LINGO2: variants seen among roughly 807,000 people sequenced by gnomAD.
The protein encoded by LINGO2 is leucine rich repeat and Ig domain containing 2.
A neutral mutation model predicts 30.6 loss-of-function variants in LINGO2; 14 were observed. That is an observed-to-expected ratio of 0.46 (90% CI 0.30 to 0.72). The LOEUF (loss-of-function observed/expected upper bound fraction) is 0.72, where lower values mean the gene tolerates loss of function less well. Ranked by LOEUF, LINGO2 falls within the 30% of genes least tolerant of loss-of-function variation. The probability of loss-of-function intolerance (pLI) is 0.07; values close to 1 mark genes in which losing one functional copy is unlikely to be tolerated. For missense variants in LINGO2, 729 were observed against 751.7 expected, an observed-to-expected ratio of 0.97 and a Z score of 0.35; for synonymous variants, 317 against 288.5, an observed-to-expected ratio of 1.10 and a Z score of -1.00.
the LINGO2 span, among the ~76,000 whole-genome samples, chr9:29,149,211 T>A: frequency 6.6e-6 from 1 of 152,186 alleles, no homozygotes; most frequent in Non-Finnish European, 1.5e-5. Context: ...TTAATATTTC[T>A]TAATTTTTAA....
At chr9:28,362,838 T>C (rs1013317497) in intron 3 of LINGO2, among the ~76,000 whole-genome samples, 3 of 152,160 alleles carry the variant, frequency 2.0e-5, no homozygotes, top group Non-Finnish European at 4.4e-5. Context: ...AAAACAGTAT[T>C]TTGAAAAGTG....
At chr9:29,050,285 A>G in the LINGO2 span, among the ~76,000 whole-genome samples, 3 of 152,174 alleles carry the variant, frequency 2.0e-5, no homozygotes, top group African/African-American at 7.2e-5. Flanking sequence ...TTGGCCTCCC[A>G]AAGTGCTGGG....
At chr9:29,028,423 G>GA in the LINGO2 span, among the ~76,000 whole-genome samples, 3 of 75,280 alleles carry the variant, frequency 4.0e-5, 1 homozygote, top group African/African-American at 1.3e-4. Context: ...AGTGTGTGGG[G>GA]GGGGGTGAGA....
chr9:28,207,374 T>C (rs1820444523), intron 4 of LINGO2, among the ~76,000 whole-genome samples: 1 of 152,158 alleles, frequency 6.6e-6, no homozygotes, highest in Non-Finnish European at 1.5e-5. Context: ...TCTGTTACTT[T>C]ACATAAATTG....
chr9:27,993,354 C>G (rs1162171022), intron 5 of LINGO2, among the ~76,000 whole-genome samples: 1 of 151,986 alleles, frequency 6.6e-6, no homozygotes, highest in Non-Finnish European at 1.5e-5. Flanking sequence ...TATGAATTCT[C>G]CTACGTGTTG....
chr9:29,007,366 A>G, the LINGO2 span, among the ~76,000 whole-genome samples: 1 of 152,260 alleles, frequency 6.6e-6, no homozygotes, highest in African/African-American at 2.4e-5. Flanking sequence ...TCTGTACTCC[A>G]TTATATATTT....
At chr9:28,535,156 C>A (rs1294704141) in intron 1 of LINGO2, among the ~76,000 whole-genome samples, 1 of 152,082 alleles carries the variant, frequency 6.6e-6, no homozygotes, top group South Asian at 2.1e-4. Flanking sequence ...CAGGAAAAAT[C>A]TAAAATTCAA....
the LINGO2 span, among the ~76,000 whole-genome samples, chr9:28,883,765 C>A: frequency 6.8e-6 from 1 of 148,128 alleles, no homozygotes; most frequent in African/African-American, 2.5e-5. Context: ...GCAACCTCCA[C>A]CTCCAAGGTT....
chr9:29,098,427 T>A, the LINGO2 span, among the ~76,000 whole-genome samples: 1 of 151,904 alleles, frequency 6.6e-6, no homozygotes, highest in Non-Finnish European at 1.5e-5. Context: ...AAATCTCAGC[T>A]AAGTCCTAAA....
At chr9:28,210,047 A>C (rs1820537021) in intron 4 of LINGO2, among the ~76,000 whole-genome samples, 1 of 151,782 alleles carries the variant, frequency 6.6e-6, no homozygotes, top group Non-Finnish European at 1.5e-5. Context: ...ATACTGAATT[A>C]ATTTCCTTTA....
intron 1 of LINGO2, among the ~76,000 whole-genome samples, chr9:28,533,240 G>T (rs1482644740): frequency 6.6e-6 from 1 of 152,114 alleles, no homozygotes; most frequent in Non-Finnish European, 1.5e-5. Context: ...TCAGCTTTTG[G>T]CTTCTTGGAC....
intron 2 of LINGO2, among the ~76,000 whole-genome samples, chr9:28,433,607 CA>C (rs1823769592): frequency 6.6e-6 from 1 of 151,440 alleles, no homozygotes; most frequent in Non-Finnish European, 1.5e-5. Flanking sequence ...CGAGAATGGT[CA>C]AAAAAAGGCA....
At chr9:28,658,103 G>A (rs1828437398) in intron 1 of LINGO2, among the ~76,000 whole-genome samples, 1 of 151,966 alleles carries the variant, frequency 6.6e-6, no homozygotes. Context: ...ATTGTGATCA[G>A]AAAATATAAT....
the LINGO2 span, among the ~76,000 whole-genome samples, chr9:28,911,367 G>A: frequency 6.6e-6 from 1 of 151,682 alleles, no homozygotes; most frequent in Non-Finnish European, 1.5e-5. Context: ...AAAGAAGCAC[G>A]TTTGACATTC....
At chr9:29,177,635 T>C in the LINGO2 span, among the ~76,000 whole-genome samples, 2 of 152,206 alleles carry the variant, frequency 1.3e-5, no homozygotes, top group Admixed American at 6.5e-5. Context: ...GAAGATTTTA[T>C]GTTTTTACTT....
intron 1 of LINGO2, among the ~76,000 whole-genome samples, chr9:28,614,209 T>C (rs1215431579): frequency 6.6e-6 from 1 of 152,126 alleles, no homozygotes; most frequent in African/African-American, 2.4e-5. Flanking sequence ...TCTTTTTGAA[T>C]GGACACAAGT....
intron 1 of LINGO2, among the ~76,000 whole-genome samples, chr9:28,509,858 G>A (rs1038881065): frequency 1.3e-5 from 2 of 152,182 alleles, no homozygotes; most frequent in African/African-American, 4.8e-5. Context: ...ACTAATACAT[G>A]TATAGTCTAG....
At chr9:28,047,817 A>G (rs573380118) in intron 4 of LINGO2, among the ~76,000 whole-genome samples, 1 of 150,934 alleles carries the variant, frequency 6.6e-6, no homozygotes, top group South Asian at 2.1e-4. Flanking sequence ...TTTTACAGAA[A>G]CCTATAAATC....
At chr9:28,717,624 T>C in the LINGO2 span, among the ~76,000 whole-genome samples, 16 of 152,058 alleles carry the variant, frequency 1.1e-4, no homozygotes, top group Non-Finnish European at 2.1e-4. Context: ...AATGAATTCA[T>C]AGACACATAT....
Sources: allele counts gnomAD v4.1 joint callset (sites outside exome capture counted in the v4.1 genomes callset), GRCh38; gene constraint gnomAD v4.1.1; transcripts MANE v1.5; gene names NCBI Gene and HGNC (gene_info 2026-07-23, HGNC 2026-07-21).